Variants in C1orf162 observed in about 807,000 individuals in gnomAD.
C1orf162 encodes chromosome 1 open reading frame 162, also known as transmembrane protein C1orf162.
In C1orf162, 10 loss-of-function variants were observed where a neutral mutation model predicts 11.4. The ratio of observed to expected loss-of-function variants is 0.88; its 90% CI spans 0.54 to 1.48. C1orf162 has a LOEUF of 1.48. Ranked by LOEUF, C1orf162 falls within the 40% of genes most tolerant of loss-of-function variation. C1orf162 has a pLI of 0.00. For synonymous variants in C1orf162, 53 were observed against 55.0 expected, an observed-to-expected ratio of 0.96 and a Z score of 0.16; for missense variants, 140 against 149.5, an observed-to-expected ratio of 0.94 and a Z score of 0.33.
Position 111,478,044 on chromosome 1 carries a change from A to T in C1orf162, c.314A>T (p.Glu105Val). ...AGCACAACTTTCAAACTCTCAGAAGAAAAGAGCAATCACTTGGCTGAGAAC... is the reference window on the plus strand; with the variant it reads ...AGCACAACTTTCAAACTCTCAGAAGTAAAGAGCAATCACTTGGCTGAGAAC... Reference protein sequence around the residue: ...YASTTFKLSEEKSNHLAENHS... With the variant: ...YASTTFKLSEVKSNHLAENHS... Residue 105 changes from glutamate to valine, a missense_variant, in exon 6 of 6, where the codon GAA (glutamate) becomes GTA (valine). Coordinates refer to ENST00000369718, the MANE Select transcript of C1orf162 (RefSeq NM_001300834.2). 6.2e-7 allele frequency: 1 copy of T among 1,614,128 alleles called. No individual in the cohort carries two copies.
Position 111,478,381 on chromosome 1 carries a change from T to A in C1orf162, c.*258T>A. ...CCCTTGGGGGCATAGACTGCCTTCC[T>A]TGGACCCTTCCAAAGTGTGTGGTAC... On this transcript the variant is annotated 3_prime_UTR_variant, in exon 6 of 6. Transcript: ENST00000369718. The A allele has an allele frequency of 1.9e-6, 1 of 540,288 alleles. No individual in the cohort carries two copies. The highest frequency in any genetic ancestry group is 3.3e-6 in the Non-Finnish European group (1 of 300,942). The allele number at this position is 540,288 out of a possible 1,614,324, so 33.5% of individuals were successfully genotyped here. A position where few individuals can be genotyped will look rare whatever the true frequency, so the allele number is the denominator to read the frequency against.
Position 111,478,050 on chromosome 1 carries a change from G to T in C1orf162, c.320G>T (p.Ser107Ile). The T allele has an allele frequency of 6.2e-7, 1 of 1,614,064 alleles. No individual in the cohort carries two copies. Among genetic ancestry groups the T allele is most frequent in the Non-Finnish European group, 8.5e-7 (1 of 1,179,926 alleles). ...ACTTTCAAACTCTCAGAAGAAAAGA[G>T]CAATCACTTGGCTGAGAACCATTCT... is the stretch of plus-strand genomic sequence containing the variant. Reference protein sequence around the residue: ...STTFKLSEEKSNHLAENHSAD... With the variant: ...STTFKLSEEKINHLAENHSAD... Residue 107 changes from serine to isoleucine, a missense_variant, in exon 6 of 6, where the codon AGC (serine) becomes ATC (isoleucine). Coordinates refer to ENST00000369718, the MANE Select transcript of C1orf162 (RefSeq NM_001300834.2).
chr1:111,476,058 C>T lies in C1orf162; in HGVS notation c.30C>T (p.Pro10=), dbSNP rs369208859. MGGNGSTCK[P]DTERQGTLST... ...GAGGCAATGGCTCCACATGTAAACC[C>T]GACACTGGTGAGTTTACGACAGGAA... The change falls in exon 2 of 6, where the codon CCC becomes CCT. Residue 10 remains proline, a synonymous_variant. Coordinates refer to ENST00000369718, the MANE Select transcript of C1orf162 (RefSeq NM_001300834.2). The T allele has an allele frequency of 2.3e-5, 37 of 1,612,896 alleles. No individual in the cohort carries two copies. The highest frequency in any genetic ancestry group is 4.0e-5 in the African/African-American group (3 of 74,884).
chr1:111,476,141 A>G, intron 2 of C1orf162, 76 bp downstream of exon 2: 3 of 1,381,698 alleles, frequency 2.2e-6, no homozygotes, highest in South Asian at 1.2e-5. Flanking sequence ...AAGGGCTGTA[A>G]TGGAAAGGCA....
intron 5 of C1orf162, 101 bp from the exon 6 acceptor site, chr1:111,477,882 T>C (rs111973772): frequency 1.9e-6 from 3 of 1,596,324 alleles, no homozygotes; most frequent in African/African-American, 2.7e-5. Flanking sequence ...TTCCAGACAC[T>C]GGGCAAGTGA....
At chr1:111,474,713 C>T (rs994961779) in intron 1 of C1orf162, 1 of 152,168 alleles carries the variant, frequency 6.6e-6, no homozygotes, top group Non-Finnish European at 1.5e-5. Flanking sequence ...TTCCTCAACA[C>T]ATTTTCCCGT....
intron 1 of C1orf162, 70 bp from the exon 2 acceptor site, chr1:111,475,948 G>A: frequency 8.1e-7 from 1 of 1,232,062 alleles, no homozygotes; most frequent in South Asian, 1.2e-5. Flanking sequence ...GACAATCACA[G>A]TCTCAGAGCT....
At chr1:111,476,128 C>A in intron 2 of C1orf162, 63 bp downstream of exon 2, 1 of 1,494,536 alleles carries the variant, frequency 6.7e-7, no homozygotes, top group Non-Finnish European at 9.3e-7. Flanking sequence ...AGAAATTGTG[C>A]TGAAGGGCTG....
At chr1:111,476,493 G>C (rs1374980302) in intron 2 of C1orf162, among the ~76,000 whole-genome samples, 1 of 152,164 alleles carries the variant, frequency 6.6e-6, no homozygotes, top group African/African-American at 2.4e-5. Flanking sequence ...TTAGGCCAGA[G>C]GGAGCATATC....
At chr1:111,477,136 G>A (rs1329749786) in intron 3 of C1orf162, 198 bp from the exon 4 acceptor site, 5 of 638,842 alleles carry the variant, frequency 7.8e-6, no homozygotes, top group Non-Finnish European at 1.4e-5. Context: ...AGGGGGAGAG[G>A]AAGAGGCCAC....
At chr1:111,477,868 T>G in intron 5 of C1orf162, 93 bp downstream of exon 5, 1 of 1,596,562 alleles carries the variant, frequency 6.3e-7, no homozygotes, top group Admixed American at 1.7e-5. Flanking sequence ...ATGGTGGTAT[T>G]GATTTCCAGA....
chr1:111,477,621 A>T, intron 4 of C1orf162, 105 bp from the exon 5 acceptor site: 1 of 1,580,402 alleles, frequency 6.3e-7, no homozygotes, highest in Non-Finnish European at 8.6e-7. Context: ...ACCTGCCAAC[A>T]CCTCCTCCCC....
chr1:111,478,065 A>G lies in C1orf162; in HGVS notation c.335A>G (p.Glu112Gly). ...GAAGAAAAGAGCAATCACTTGGCTG[A>G]GAACCATTCTGCAGACTTTGACCCC... Reference protein sequence around the residue: ...LSEEKSNHLAENHSADFDPIV... With the variant: ...LSEEKSNHLAGNHSADFDPIV... The change falls in exon 6 of 6, where the codon GAG becomes GGG. Residue 112 changes from glutamate (E) to glycine (G), a missense_variant. Coordinates refer to ENST00000369718, the MANE Select transcript of C1orf162 (RefSeq NM_001300834.2). 6.2e-7 allele frequency: 1 copy of G among 1,614,196 alleles called. No homozygotes were observed. The highest frequency in any genetic ancestry group is 1.1e-5 in the South Asian group (1 of 91,086).
intron 2 of C1orf162, 108 bp downstream of exon 2, chr1:111,476,173 C>A: frequency 9.2e-7 from 1 of 1,092,234 alleles, no homozygotes; most frequent in Non-Finnish European, 1.4e-6. Flanking sequence ...ATTTCTGAAA[C>A]TGGAAGAATC....
In C1orf162 at chr1:111,476,838, C is replaced by T; in HGVS notation, c.78C>T (p.Ser26=). Residue 26 remains serine, a synonymous_variant, in exon 3 of 6, where the codon AGC becomes AGT. Coordinates refer to ENST00000369718, the MANE Select transcript of C1orf162 (RefSeq NM_001300834.2). ...GTLSTAAPTT[S]PAPCLSNHHN... ...TCTCCACAGCAGCCCCAACAACTAG[C>T]CCTGCACCCTGTCTCTCTAACCACC... is the stretch of plus-strand genomic sequence containing the variant. 1 of 1,614,052 alleles carries T rather than the reference C, an allele frequency of 6.2e-7. No homozygotes were observed. Among genetic ancestry groups the T allele is most frequent in the Non-Finnish European group, 8.5e-7 (1 of 1,179,930 alleles).
At chr1:111,476,477 C>T (rs995287221) in intron 2 of C1orf162, among the ~76,000 whole-genome samples, 1 of 152,132 alleles carries the variant, frequency 6.6e-6, no homozygotes, top group Non-Finnish European at 1.5e-5. Context: ...CTGGGAGATG[C>T]TTTCCTTAGG....
chr1:111,477,331 C>T lies in C1orf162; in HGVS notation c.108-3C>T. The T allele has an allele frequency of 6.2e-7, 1 of 1,613,510 alleles. No homozygotes were observed. The highest frequency in any genetic ancestry group is 8.5e-7 in the Non-Finnish European group (1 of 1,179,456). On this transcript the variant is annotated splice_region_variant and splice_polypyrimidine_tract_variant and intron_variant, in intron 3 of 5. Coordinates refer to ENST00000369718, the MANE Select transcript of C1orf162 (RefSeq NM_001300834.2). Reference sequence around the variant, plus strand: ...CATCCCCTGCCTTTCTTTGCCAAAACAGCAAAAAACATTTAATCCTTGCCT... The same window carrying T: ...CATCCCCTGCCTTTCTTTGCCAAAATAGCAAAAAACATTTAATCCTTGCCT...
At chr1:111,476,471 G>C (rs1653992731) in intron 2 of C1orf162, among the ~76,000 whole-genome samples, 1 of 152,154 alleles carries the variant, frequency 6.6e-6, no homozygotes, top group Non-Finnish European at 1.5e-5. Flanking sequence ...CCCTAGCTGG[G>C]AGATGCTTTC....
rs1253123524 is a variant in C1orf162 at position 111,478,201 on chromosome 1, CA to C, written c.*81del. On this transcript the variant is annotated 3_prime_UTR_variant, in exon 6 of 6. Coordinates refer to ENST00000369718, the MANE Select transcript of C1orf162 (RefSeq NM_001300834.2). ...TTCACACATCACTTTCACTTTTTTA[CA>C]AATTTTGGACCACCACCTGTGTGAA... is the stretch of plus-strand genomic sequence containing the variant. 2 of 1,567,522 alleles carry C rather than the reference CA, an allele frequency of 1.3e-6. No homozygotes were observed. Among genetic ancestry groups the C allele is most frequent in the Non-Finnish European group, 8.7e-7 (1 of 1,143,690 alleles).
Sources: allele counts gnomAD v4.1 joint callset (sites outside exome capture counted in the v4.1 genomes callset), GRCh38; gene constraint gnomAD v4.1.1; transcripts MANE v1.5; gene names NCBI Gene and HGNC (gene_info 2026-07-23, HGNC 2026-07-21).